Variants in E2F1 observed in about 807,000 individuals in gnomAD.
E2F1 encodes the protein E2F transcription factor 1.
A neutral mutation model predicts 36.9 loss-of-function variants in E2F1; 7 were observed. That is an observed-to-expected ratio of 0.19 (90% CI 0.11 to 0.36). The LOEUF is 0.36. E2F1 is among the 10% of genes least tolerant of loss of function. The pLI, the probability that E2F1 is intolerant of heterozygous loss-of-function variation, is 1.00. For missense variants in E2F1, 406 were observed against 573.6 expected (o/e 0.71, Z 2.99); for synonymous variants, 261 against 263.1 (o/e 0.99, Z 0.08).
Position 33,679,727 on chromosome 20 carries a change from C to G in E2F1, c.572+28G>C. ...CTCCAGGCTGGCATGGGCAGGTGTG[C>G]CTGCCCTCCTGTGTGGCCGGTACCT... is the stretch of plus-strand genomic sequence containing the variant. On this transcript the variant is annotated intron_variant, in intron 3 of 6. Coordinates refer to ENST00000343380, the MANE Select transcript of E2F1 (RefSeq NM_005225.3). This position sits in a 1 kb window ranked among gnomAD's most constrained non-coding sequence, Gnocchi z 4.6. 1 of 1,607,700 alleles carries G rather than the reference C, an allele frequency of 6.2e-7. No individual in the cohort carries two copies. The highest frequency in any genetic ancestry group is 8.5e-7 in the Non-Finnish European group (1 of 1,175,768).
Position 33,686,250 on chromosome 20 carries a change from C to T in E2F1, c.15G>A (p.Gly5=). 2.0e-6 allele frequency: 2 copies of T among 1,016,546 alleles called. No homozygotes were observed. The highest frequency in any genetic ancestry group is 4.8e-4 in the Middle Eastern group (1 of 2,084). The allele number at this position is 1,016,546 out of a possible 1,614,324, so 63.0% of individuals were successfully genotyped here. Residue 5 remains glycine, a synonymous_variant, in exon 1 of 7, where the codon GGG becomes GGA. Coordinates refer to ENST00000343380, the MANE Select transcript of E2F1 (RefSeq NM_005225.3). ...GCGCGCATGGGCCGCCCGCAGGGGC[C>T]CCGGCCAAGGCCATGACGCTCACGG... MALA[G]APAGGPCAPA...
intron 1 of E2F1, 116 bp from the exon 2 acceptor site, chr20:33,680,532 G>A (rs1601187078): frequency 6.2e-6 from 5 of 802,814 alleles, no homozygotes; most frequent in African/African-American, 1.7e-5. Context: ...GGATGCCTGA[G>A]TGTGTGACTG....
At chr20:33,681,781 CT>C (rs1028074283) in intron 1 of E2F1, among the ~76,000 whole-genome samples, 2 of 152,192 alleles carry the variant, frequency 1.3e-5, no homozygotes, top group Non-Finnish European at 2.9e-5. Context: ...CGATCACCAC[CT>C]TCCCAGTGGG....
chr20:33,685,484 C>G (rs1011762458), intron 1 of E2F1, among the ~76,000 whole-genome samples: 1 of 152,202 alleles, frequency 6.6e-6, no homozygotes, highest in Admixed American at 6.5e-5. Context: ...CTTCACTTCC[C>G]CTAGCAGCTG....
chr20:33,680,872 G>GA (rs1179973649), intron 1 of E2F1, among the ~76,000 whole-genome samples: 2 of 152,130 alleles, frequency 1.3e-5, no homozygotes, highest in African/African-American at 4.8e-5. Flanking sequence ...TGATGGGCAA[G>GA]AAACCATGGC....
Position 33,679,856 on chromosome 20 carries a change from G to C in E2F1, c.471C>G (p.Ala157=). The change falls in exon 3 of 7, where the codon GCC becomes GCG. Residue 157 remains alanine (A), a synonymous_variant. Transcript: ENST00000343380. The surrounding 1 kb of genome is among the most constrained non-coding windows in gnomAD (Gnocchi z 4.6). ...ADGVVDLNWA[A]EVLKVQKRRI... ...GCCGCTTCTGCACCTTCAGCACCTC[G>C]GCAGCCCAGTTCAGGTCGACGACAC... The C allele has an allele frequency of 5.6e-6, 9 of 1,614,210 alleles. No individual in the cohort carries two copies. The highest frequency in any genetic ancestry group is 6.8e-6 in the Non-Finnish European group (8 of 1,180,038).
chr20:33,678,437 T>A, intron 3 of E2F1, 84 bp from the exon 4 acceptor site: 2 of 1,527,976 alleles, frequency 1.3e-6, no homozygotes, highest in Non-Finnish European at 1.8e-6. Flanking sequence ...CAGAGTCTGC[T>A]GTTGCCTCTG....
intron 3 of E2F1, among the ~76,000 whole-genome samples, chr20:33,678,917 G>T (rs1297914812): frequency 6.6e-6 from 1 of 152,132 alleles, no homozygotes; most frequent in Non-Finnish European, 1.5e-5. Context: ...CTCCAGCCTG[G>T]GCGACAGAGC....
intron 1 of E2F1, among the ~76,000 whole-genome samples, chr20:33,683,207 T>G (rs1384785030): frequency 6.6e-6 from 1 of 152,140 alleles, no homozygotes; most frequent in Non-Finnish European, 1.5e-5. Context: ...TCCTGGCACT[T>G]TGGGAGGCCG....
chr20:33,680,814 T>C lies in E2F1; in HGVS notation c.262-398A>G, dbSNP rs114141649. Among the ~76,000 whole-genome samples the C allele has an allele frequency of 8.7e-3, 1,328 of 152,282 alleles. 13 individuals carry two copies. Among genetic ancestry groups the C allele is most frequent in the African/African-American group, 0.029 (1,214 of 41,558 alleles). ...GCTGGAGCTTCCTCCTTGCTCTGTA[T>C]TGGGTCACTTACTCTGCCATATCAT... On this transcript the variant is annotated intron_variant, in intron 1 of 6. Transcript: ENST00000343380.
intron 4 of E2F1, 104 bp from the exon 5 acceptor site, chr20:33,677,644 C>T: frequency 1.2e-6 from 1 of 815,166 alleles, no homozygotes; most frequent in Non-Finnish European, 2.0e-6. Context: ...CCTGTCCTCC[C>T]AACCTCCTAC....
chr20:33,683,787 T>C (rs762842526), intron 1 of E2F1, among the ~76,000 whole-genome samples: 5 of 151,902 alleles, frequency 3.3e-5, no homozygotes, highest in Non-Finnish European at 7.4e-5. Context: ...AAAAAATAAA[T>C]AAATAAATAA....
At position 33,676,656 on chromosome 20, in the gene E2F1, C is replaced by T. The variant is rs532185356; in HGVS notation, c.*76G>A. 1.3e-4 allele frequency: 190 copies of T among 1,504,964 alleles called. 1 individual carries two copies. The Middle Eastern group carries it at 1.9e-3, about 15-fold the overall frequency. 93.2% of individuals were successfully genotyped at this position (1,504,964 alleles called of 1,614,324 possible). On this transcript the variant is annotated 3_prime_UTR_variant, in exon 7 of 7. Transcript: ENST00000343380. ...AATGTTTCCAAACAGGCTGGGAGGA[C>T]GGCCAGGGACAGGGGGCTCCAGGGC...
Position 33,678,949 on chromosome 20 carries a change from C to G in E2F1, c.573-596G>C, listed in dbSNP as rs375527836. Reference sequence around the variant, plus strand: ...GAGCAACACCCTGTCTCAAACCACCCCCCTCCACCCAAAAAACCACAAAAG... The same window carrying G: ...GAGCAACACCCTGTCTCAAACCACCGCCCTCCACCCAAAAAACCACAAAAG... On this transcript the variant is annotated intron_variant, in intron 3 of 6. Coordinates refer to ENST00000343380, the MANE Select transcript of E2F1 (RefSeq NM_005225.3). Among the ~76,000 whole-genome samples, 33 of 152,176 alleles carry G rather than the reference C, an allele frequency of 2.2e-4. 1 individual carries two copies. Among genetic ancestry groups the G allele is most frequent in the African/African-American group, 7.9e-4 (33 of 41,520 alleles).
In E2F1 at chr20:33,676,529, C is replaced by G; in HGVS notation, c.*203G>C. On this transcript the variant is annotated 3_prime_UTR_variant, in exon 7 of 7. Coordinates refer to ENST00000343380, the MANE Select transcript of E2F1 (RefSeq NM_005225.3). The stretch of plus-strand genomic sequence containing the variant: ...TGGGTGTAGGCTGCATGCACATACA[C>G]ACCACACAGACTCCTTCCCTTCCTG... 1.5e-6 allele frequency: 1 copy of G among 684,224 alleles called. No individual in the cohort carries two copies. The allele number at this position is 684,224 out of a possible 1,614,324, so 42.4% of individuals were successfully genotyped here. A position where few individuals can be genotyped will look rare whatever the true frequency, so the allele number is the denominator to read the frequency against.
chr20:33,677,670 C>T (rs1022699386), intron 4 of E2F1, 130 bp from the exon 5 acceptor site: 4 of 641,548 alleles, frequency 6.2e-6, no homozygotes, highest in Non-Finnish European at 1.1e-5. Context: ...CAAAACCTAC[C>T]TCACGCCTGA....
In E2F1 at chr20:33,681,070, G is replaced by A. The variant is rs373948215; in HGVS notation, c.262-654C>T. 4.6e-5 allele frequency among the ~76,000 whole-genome samples: 7 copies of A among 152,026 alleles called. No homozygotes were observed. The East Asian group carries it at 7.7e-4, about 17-fold the overall frequency. Reference sequence around the variant, plus strand: ...TTTTTTCTTTTTTAGACAGGGTATCGCTCTGTTGACTATGCTGGAGTGCAG... The same window carrying A: ...TTTTTTCTTTTTTAGACAGGGTATCACTCTGTTGACTATGCTGGAGTGCAG... On this transcript the variant is annotated intron_variant, in intron 1 of 6. Transcript: ENST00000343380.
rs775614866 is a variant in E2F1, at chr20:33,677,118, G to C, written c.1053C>G (p.Leu351=). ...SLTTDPSQSL[L]SLEQEPLLSR... The stretch of plus-strand genomic sequence containing the variant: ...CCCATCACCCACCTTGCTCCAGGCT[G>C]AGTAGAGACTGGCTGGGATCTGTGG... The change falls in exon 6 of 7, where the codon CTC becomes CTG. Residue 351 remains leucine (L), a synonymous_variant. Transcript: ENST00000343380. 4 of 1,613,364 alleles carry C rather than the reference G, an allele frequency of 2.5e-6. No individual in the cohort carries two copies. The Admixed American group carries it at 6.7e-5, about 27-fold the overall frequency.
At chr20:33,680,283 G>A (rs754379680) in intron 2 of E2F1, 43 bp downstream of exon 2, 1 of 1,587,480 alleles carries the variant, frequency 6.3e-7, no homozygotes, top group South Asian at 1.1e-5. Context: ...CCTAACCTGG[G>A]CCTGGTCACA....
Sources: allele counts gnomAD v4.1 joint callset (sites outside exome capture counted in the v4.1 genomes callset), GRCh38; gene constraint gnomAD v4.1.1; non-coding constraint Gnocchi (gnomAD v3.1); transcripts MANE v1.5; gene names NCBI Gene and HGNC (gene_info 2026-07-23, HGNC 2026-07-21).